Variants in TBC1D22A observed in about 807,000 individuals in gnomAD.
TBC1D22A encodes the protein putative GTPase activator.
Under a neutral mutation model 60.2 loss-of-function variants are expected in TBC1D22A, and 38 were observed. The observed-to-expected ratio is 0.63, with a 90% CI of 0.49 to 0.83. TBC1D22A has a LOEUF of 0.83. Ranked by LOEUF, TBC1D22A falls within the 40% of genes least tolerant of loss-of-function variation. TBC1D22A has a pLI of 0.00. For missense variants in TBC1D22A, 628 were observed against 701.0 expected, an observed-to-expected ratio of 0.90 and a Z score of 1.18; for synonymous variants, 302 against 281.7, an observed-to-expected ratio of 1.07 and a Z score of -0.72.
intron 11 of TBC1D22A, among the ~76,000 whole-genome samples, chr22:47,080,136 A>G (rs2064402839): frequency 7.0e-6 from 1 of 142,974 alleles, no homozygotes; most frequent in Non-Finnish European, 1.5e-5. Context: ...GCACAAATGG[A>G]CAGACTTGAA....
At chr22:47,056,817 G>A (rs1272058868) in intron 11 of TBC1D22A, among the ~76,000 whole-genome samples, 1 of 152,222 alleles carries the variant, frequency 6.6e-6, no homozygotes, top group Non-Finnish European at 1.5e-5. Flanking sequence ...TCCTAGGGTG[G>A]TGGTCTTCAG....
rs561602323 is a variant in TBC1D22A, at chr22:47,167,101, A to T, written c.1426-6397A>T. Among the ~76,000 whole-genome samples, 168 of 152,366 alleles carry T rather than the reference A, an allele frequency of 1.1e-3. No individual in the cohort carries two copies. In the Middle Eastern group the frequency reaches 0.014, roughly 12 times the overall value. On this transcript the variant is annotated intron_variant, in intron 12 of 12. Coordinates refer to ENST00000337137, the MANE Select transcript of TBC1D22A (RefSeq NM_014346.5). ...AGAATTTATGGATAAGTAAAAAATA[A>T]ATCATCACGTTTTCTCCCAACGATG... is the stretch of plus-strand genomic sequence containing the variant.
Position 46,917,377 on chromosome 22 carries a change from G to C in TBC1D22A, c.1015+5189G>C, listed in dbSNP as rs546700791. 8.5e-5 allele frequency among the ~76,000 whole-genome samples: 13 copies of C among 152,294 alleles called. No individual in the cohort carries two copies. In the East Asian group the frequency reaches 2.1e-3, roughly 25 times the overall value. On this transcript the variant is annotated intron_variant, in intron 8 of 12. Coordinates refer to ENST00000337137, the MANE Select transcript of TBC1D22A (RefSeq NM_014346.5). The stretch of plus-strand genomic sequence containing the variant: ...GGAGGCAGGAGACTCGCTGACGGAG[G>C]ACTGGGCCTGAGAGGAGGGCCTGGT...
intron 10 of TBC1D22A, among the ~76,000 whole-genome samples, chr22:47,025,101 A>G (rs532427381): frequency 4.6e-5 from 7 of 152,224 alleles, no homozygotes; most frequent in Non-Finnish European, 8.8e-5. Flanking sequence ...ATAAGACTGT[A>G]TCAAAATACA....
At chr22:46,981,849 A>T (rs1651085659) in intron 9 of TBC1D22A, among the ~76,000 whole-genome samples, 1 of 152,238 alleles carries the variant, frequency 6.6e-6, no homozygotes, top group African/African-American at 2.4e-5. Flanking sequence ...GAGGACGTGT[A>T]CTGCACAGTT....
At chr22:47,068,328 G>A (rs561663438) in intron 11 of TBC1D22A, among the ~76,000 whole-genome samples, 29 of 152,354 alleles carry the variant, frequency 1.9e-4, no homozygotes, top group South Asian at 6.2e-4. Flanking sequence ...TAGCCATCAG[G>A]AGAGCCAGTG....
chr22:46,875,427 G>T (rs1426687984), intron 4 of TBC1D22A, among the ~76,000 whole-genome samples: 1 of 152,106 alleles, frequency 6.6e-6, no homozygotes, highest in Non-Finnish European at 1.5e-5. Flanking sequence ...GACATGTTCT[G>T]TGTCTTGTCT....
chr22:46,842,504 C>G (rs1444291115), intron 4 of TBC1D22A, among the ~76,000 whole-genome samples: 1 of 152,174 alleles, frequency 6.6e-6, no homozygotes, highest in Non-Finnish European at 1.5e-5. Flanking sequence ...GGATGCATCT[C>G]AAAGTAAGTT....
At chr22:46,854,462 C>A (rs1439675359) in intron 4 of TBC1D22A, among the ~76,000 whole-genome samples, 1 of 152,180 alleles carries the variant, frequency 6.6e-6, no homozygotes, top group African/African-American at 2.4e-5. Context: ...GCCAATCTCT[C>A]CTACCCAGGG....
chr22:46,933,859 T>C (rs996887869), intron 8 of TBC1D22A, among the ~76,000 whole-genome samples: 2 of 152,158 alleles, frequency 1.3e-5, no homozygotes, highest in Admixed American at 1.3e-4. Flanking sequence ...ACAGCTTTAG[T>C]GTGAGAGGAA....
chr22:46,967,657 AAGG>A (rs1417195983), intron 8 of TBC1D22A, among the ~76,000 whole-genome samples: 8 of 152,204 alleles, frequency 5.3e-5, no homozygotes, highest in African/African-American at 1.7e-4. Context: ...TTTGAAATGA[AAGG>A]AGCTGTTTAC....
chr22:46,785,183 G>C (rs1290012023), intron 1 of TBC1D22A, among the ~76,000 whole-genome samples: 1 of 152,292 alleles, frequency 6.6e-6, no homozygotes, highest in East Asian at 1.9e-4. Flanking sequence ...GATGTCTGGG[G>C]CCTCACTAGG....
chr22:47,160,267 G>A (rs569725744), intron 12 of TBC1D22A, among the ~76,000 whole-genome samples: 33 of 152,362 alleles, frequency 2.2e-4, no homozygotes, highest in African/African-American at 7.7e-4. Flanking sequence ...GGAGCACGTG[G>A]TCAGGATACA....
At chr22:47,033,316 AAAG>A (rs1212982702) in intron 10 of TBC1D22A, among the ~76,000 whole-genome samples, 2 of 152,230 alleles carry the variant, frequency 1.3e-5, no homozygotes, top group Non-Finnish European at 2.9e-5. Flanking sequence ...AGTTCTTTGA[AAAG>A]AACGTCATGT....
chr22:46,944,499 C>T (rs974131039), intron 8 of TBC1D22A, among the ~76,000 whole-genome samples: 1 of 152,102 alleles, frequency 6.6e-6, no homozygotes, highest in Non-Finnish European at 1.5e-5. Context: ...CCCAGGTTCA[C>T]GCCATTCTCC....
At chr22:46,765,500 G>A (rs1162594451) in intron 1 of TBC1D22A, among the ~76,000 whole-genome samples, 4 of 151,890 alleles carry the variant, frequency 2.6e-5, no homozygotes, top group Admixed American at 2.0e-4. Context: ...GAGTCTCACT[G>A]TGTTGCCCAG....
intron 4 of TBC1D22A, among the ~76,000 whole-genome samples, chr22:46,864,093 G>C (rs546838942): frequency 1.3e-5 from 2 of 152,158 alleles, no homozygotes; most frequent in Admixed American, 1.3e-4. Flanking sequence ...ATGCCTCCAC[G>C]TGCATATTCC....
chr22:46,965,717 C>T (rs1029952433), intron 8 of TBC1D22A, among the ~76,000 whole-genome samples: 1 of 152,226 alleles, frequency 6.6e-6, no homozygotes, highest in African/African-American at 2.4e-5. Flanking sequence ...GCAGCAGGCA[C>T]GACGTCTGCC....
chr22:46,926,882 A>T (rs960315332), intron 8 of TBC1D22A, among the ~76,000 whole-genome samples: 7 of 152,244 alleles, frequency 4.6e-5, no homozygotes, highest in African/African-American at 1.7e-4. Context: ...TTTAAAATTA[A>T]CAATGAACTA....
Sources: allele counts gnomAD v4.1 joint callset (sites outside exome capture counted in the v4.1 genomes callset), GRCh38; gene constraint gnomAD v4.1.1; transcripts MANE v1.5; gene names NCBI Gene and HGNC (gene_info 2026-07-23, HGNC 2026-07-21).